ARMH3: variants seen among roughly 807,000 people sequenced by gnomAD.
ARMH3 encodes the protein armadillo-like helical domain-containing protein 3.
In ARMH3, 60 loss-of-function variants were observed where a neutral mutation model predicts 99.1. The ratio of observed to expected loss-of-function variants is 0.61; its 90% CI spans 0.49 to 0.75. The LOEUF is 0.75. ARMH3 is among the 30% of genes least tolerant of loss of function. ARMH3 has a pLI of 0.00. For synonymous variants in ARMH3, 285 were observed against 292.8 expected (o/e 0.97, Z 0.27); for missense variants, 679 against 843.1 (o/e 0.81, Z 2.41).
chr10:101,981,981 C>A (rs1846252400), intron 19 of ARMH3, among the ~76,000 whole-genome samples: 1 of 142,048 alleles, frequency 7.0e-6, no homozygotes, highest in Non-Finnish European at 1.5e-5. Context: ...AAGATCGCAC[C>A]ACTGCACTCC....
intron 22 of ARMH3, among the ~76,000 whole-genome samples, chr10:101,951,055 C>T (rs181504248): frequency 6.6e-6 from 1 of 152,162 alleles, no homozygotes; most frequent in African/African-American, 2.4e-5. Flanking sequence ...AAAATACTAA[C>T]AGCACCAAAT....
intron 24 of ARMH3, among the ~76,000 whole-genome samples, chr10:101,865,608 C>A (rs1245105774): frequency 6.6e-6 from 1 of 152,058 alleles, no homozygotes; most frequent in Non-Finnish European, 1.5e-5. Flanking sequence ...CCTGCCTCAG[C>A]CTCCCAAGTA....
chr10:101,965,826 C>A (rs974935761), intron 20 of ARMH3, among the ~76,000 whole-genome samples: 2 of 152,202 alleles, frequency 1.3e-5, no homozygotes, highest in African/African-American at 4.8e-5. Flanking sequence ...TACAACTGCT[C>A]TCTTTTGACT....
In ARMH3 at chr10:101,975,298, C is replaced by T. The variant is rs748127300; in HGVS notation, c.1409G>A (p.Arg470His). The T allele has an allele frequency of 5.0e-6, 8 of 1,611,358 alleles. No individual in the cohort carries two copies. In the East Asian group the frequency reaches 6.7e-5, roughly 13 times the overall value. The change falls in exon 20 of 26, where the codon CGC (arginine) becomes CAC (histidine). Residue 470 changes from arginine to histidine, a missense_variant and splice_region_variant. Physicochemically the swap from Arg to His is conservative, Grantham distance 29. Transcript: ENST00000370033. ...MKEFPMDLYI[R>H]CIQVVHKLLC... The stretch of plus-strand genomic sequence containing the variant: ...CAGTTTGTGTACTACCTGGATGCAG[C>T]GTCTGTAACAGGGAAAGCAAAAAAT...
chr10:102,027,243 G>A (rs2136185349), intron 5 of ARMH3, among the ~76,000 whole-genome samples: 1 of 143,544 alleles, frequency 7.0e-6, no homozygotes, highest in South Asian at 2.2e-4. Flanking sequence ...TGCACCACTG[G>A]ACTCCAGCCT....
chr10:101,847,251 T>C lies in ARMH3; in HGVS notation c.*277A>G, dbSNP rs2066483940. ...CAGCTTGTAACCTCAAGATTGGAAATGTGAGGGGCTGTTTAGGGAGCCCAC... is the reference window on the plus strand; with the variant it reads ...CAGCTTGTAACCTCAAGATTGGAAACGTGAGGGGCTGTTTAGGGAGCCCAC... On this transcript the variant is annotated 3_prime_UTR_variant, in exon 26 of 26. Transcript: ENST00000370033. 5 of 377,470 alleles carry C rather than the reference T, an allele frequency of 1.3e-5. No homozygotes were observed. The South Asian group carries it at 1.6e-4, about 12-fold the overall frequency. 23.4% of individuals were successfully genotyped at this position (377,470 alleles called of 1,614,324 possible). A position where few individuals can be genotyped will look rare whatever the true frequency, so the allele number is the denominator to read the frequency against.
chr10:102,050,905 C>A (rs2067686527), intron 1 of ARMH3, among the ~76,000 whole-genome samples: 1 of 150,500 alleles, frequency 6.6e-6, no homozygotes, highest in Non-Finnish European at 1.5e-5. Flanking sequence ...CGCCTGTAAT[C>A]TCAGCACTTT....
chr10:102,055,005 A>C lies in ARMH3; in HGVS notation c.-12+1080T>G, dbSNP rs1236176157. On this transcript the variant is annotated intron_variant, in intron 1 of 25. Coordinates refer to ENST00000370033, the MANE Select transcript of ARMH3 (RefSeq NM_024541.3). ...GAGCGAAACTCCGTCTCAAAAAAAC[A>C]AAAAACAAAACAAACAAACAAACAA... Among the ~76,000 whole-genome samples the C allele has an allele frequency of 1.6e-4, 24 of 149,532 alleles. No homozygotes were observed. The East Asian group carries it at 4.5e-3, about 28-fold the overall frequency.
In ARMH3 at chr10:102,036,706, A is replaced by C. The variant is rs2067285414; in HGVS notation, c.102+3307T>G. Among the ~76,000 whole-genome samples, 3 of 152,006 alleles carry C rather than the reference A, an allele frequency of 2.0e-5. No individual in the cohort carries two copies. The South Asian group carries it at 6.2e-4, about 32-fold the overall frequency. On this transcript the variant is annotated intron_variant, in intron 2 of 25. Coordinates refer to ENST00000370033, the MANE Select transcript of ARMH3 (RefSeq NM_024541.3). ...TCGTTAAGAGTCATCACCACTCCCT[A>C]ATCTCAAGTACCCAGGGACACAAAC...
chr10:101,956,645 A>G lies in ARMH3; in HGVS notation c.1657T>C (p.Tyr553His), dbSNP rs1402847793. The G allele has an allele frequency of 6.2e-7, 1 of 1,613,874 alleles. No individual in the cohort carries two copies. Residue 553 changes from tyrosine (Y) to histidine (H), a missense_variant, in exon 22 of 26, where the codon TAT (tyrosine) becomes CAT (histidine). Around this residue, in one of 3 missense-constraint regions of ARMH3, gnomAD observed 389 missense variants for 456.5 expected, o/e 0.85. Coordinates refer to ENST00000370033, the MANE Select transcript of ARMH3 (RefSeq NM_024541.3). The part of the protein sequence containing the change: ...PTPSSYDELY[Y>H]EIIRMHQSFD... ...CTCTGGTGCATGCGGATAATCTCAT[A>G]GTAAAGTTCATCATAGCTGCTGGGG...
chr10:102,013,255 G>A (rs1590183170), intron 9 of ARMH3, among the ~76,000 whole-genome samples: 1 of 152,178 alleles, frequency 6.6e-6, no homozygotes, highest in African/African-American at 2.4e-5. Context: ...ATGAGTCCAT[G>A]CTAAATGAAG....
intron 13 of ARMH3, 48 bp downstream of exon 13, chr10:102,009,326 T>C (rs750595091): frequency 3.3e-6 from 5 of 1,508,208 alleles, no homozygotes; most frequent in Non-Finnish European, 4.6e-6. Context: ...AATTAATCGG[T>C]ATGAAATTTA....
chr10:102,036,479 G>A (rs2067275374), intron 2 of ARMH3, among the ~76,000 whole-genome samples: 1 of 152,210 alleles, frequency 6.6e-6, no homozygotes, highest in Admixed American at 6.5e-5. Context: ...TTGTTGCTGT[G>A]TCTGTGTAGA....
chr10:101,936,805 C>G (rs1844001033), intron 23 of ARMH3, among the ~76,000 whole-genome samples: 1 of 152,072 alleles, frequency 6.6e-6, no homozygotes, highest in African/African-American at 2.4e-5. Flanking sequence ...TACATACAGA[C>G]AGAGGAAGAT....
intron 8 of ARMH3, among the ~76,000 whole-genome samples, chr10:102,021,300 G>A (rs998211549): frequency 6.6e-6 from 1 of 151,558 alleles, no homozygotes; most frequent in Admixed American, 6.6e-5. Flanking sequence ...GGCTGGTCTC[G>A]AACTCCTGGG....
intron 23 of ARMH3, among the ~76,000 whole-genome samples, chr10:101,916,623 ATGGTTAATTTTAT>A (rs1843096179): frequency 6.6e-6 from 1 of 152,184 alleles, no homozygotes; most frequent in South Asian, 2.1e-4. Flanking sequence ...TAGTGTTGTA[ATGGTTAATTTTAT>A]TATCAACTTG....
At chr10:101,994,000 G>C (rs1846939537) in intron 16 of ARMH3, among the ~76,000 whole-genome samples, 1 of 152,168 alleles carries the variant, frequency 6.6e-6, no homozygotes, top group African/African-American at 2.4e-5. Context: ...CCACATGAGG[G>C]TTTAGGAGCA....
chr10:102,033,669 C>CA (rs1181266416), intron 2 of ARMH3, among the ~76,000 whole-genome samples: 2 of 152,200 alleles, frequency 1.3e-5, no homozygotes, highest in South Asian at 2.1e-4. Flanking sequence ...CCGCCCGCCT[C>CA]AGACTCCCAA....
At chr10:101,990,670 G>T in intron 18 of ARMH3, 59 bp from the exon 19 acceptor site, 2 of 1,428,686 alleles carry the variant, frequency 1.4e-6, no homozygotes, top group South Asian at 2.3e-5. Context: ...TCTTGTCTTT[G>T]AGTTGGAAAA....
Sources: gnomAD v4.1 joint callset for allele counts (sites outside exome capture counted in the v4.1 genomes callset) on GRCh38, gnomAD v4.1.1 for gene constraint, gnomAD v4.1.1 regional missense constraint, MANE v1.5 for transcripts, NCBI Gene and HGNC (gene_info 2026-07-23, HGNC 2026-07-21) for gene names.